SYN2: variants seen among roughly 807,000 people sequenced by gnomAD.
SYN2 encodes the protein synapsin-2.
SYN2 carries 19 observed loss-of-function variants against 50.9 expected under a neutral mutation model. That is an observed-to-expected ratio of 0.37 (90% CI 0.26 to 0.55). The LOEUF is 0.55. SYN2 is among the 20% of genes least tolerant of loss of function. The pLI is 0.81. For synonymous variants in SYN2, 255 were observed against 224.9 expected (o/e 1.13, Z -1.20); for missense variants, 587 against 576.4 (o/e 1.02, Z -0.19).
At chr3:12,049,542 T>TAAAAAAA (rs1553610535) in intron 1 of SYN2, among the ~76,000 whole-genome samples, 1 of 150,202 alleles carries the variant, frequency 6.7e-6, no homozygotes, top group Non-Finnish European at 1.5e-5. Flanking sequence ...TAATAAAAAA[T>TAAAAAAA]AAAAAAACTG....
chr3:12,006,125 C>T (rs1693797562), intron 1 of SYN2, among the ~76,000 whole-genome samples: 1 of 152,038 alleles, frequency 6.6e-6, no homozygotes. Flanking sequence ...ACTGCTTTCT[C>T]TCTCTAGCAT....
At chr3:12,180,775 A>G (rs1698203390) in intron 10 of SYN2, among the ~76,000 whole-genome samples, 1 of 152,150 alleles carries the variant, frequency 6.6e-6, no homozygotes, top group Non-Finnish European at 1.5e-5. Flanking sequence ...AAGCCTGGAA[A>G]AGGGCACTTC....
chr3:12,107,969 G>C (rs1225336714), intron 1 of SYN2, among the ~76,000 whole-genome samples: 1 of 152,156 alleles, frequency 6.6e-6, no homozygotes, highest in Non-Finnish European at 1.5e-5. Flanking sequence ...CCAGCACTTT[G>C]AAAGGTTGAG....
chr3:12,058,174 T>G (rs1285452183), intron 1 of SYN2, among the ~76,000 whole-genome samples: 2 of 152,230 alleles, frequency 1.3e-5, no homozygotes, highest in Non-Finnish European at 2.9e-5. Flanking sequence ...GTAGACCATT[T>G]GCATGTTTTT....
rs187803866 is a variant in SYN2, at chr3:12,099,905, C to T, written c.378-40746C>T. Among the ~76,000 whole-genome samples the T allele has an allele frequency of 6.5e-3, 951 of 146,138 alleles. 5 individuals are homozygous for T. The highest frequency in any genetic ancestry group is 0.023 in the African/African-American group (905 of 38,890). The stretch of plus-strand genomic sequence containing the variant: ...GCGTGAACCCGGGAGGCGGAGCTTG[C>T]AGTGAGCCGAGATCGCACCACTGCA... On this transcript the variant is annotated intron_variant, in intron 1 of 12. Transcript: ENST00000621198.
At chr3:12,160,042 C>CAAAAAAAAAAAAAAAAA (rs3079818) in intron 5 of SYN2, among the ~76,000 whole-genome samples, 2 of 67,612 alleles carry the variant, frequency 3.0e-5, no homozygotes, top group Non-Finnish European at 5.2e-5. Flanking sequence ...GACTCCGTCT[C>CAAAAAAAAAAAAAAAAA]AAAAAAAAAA....
Position 12,162,020 on chromosome 3 carries a change from G to A in SYN2, c.846G>A (p.Val282=), listed in dbSNP as rs770521282. 95 of 1,613,876 alleles carry A rather than the reference G, an allele frequency of 5.9e-5. No individual in the cohort carries two copies. The highest frequency in any genetic ancestry group is 7.6e-5 in the Non-Finnish European group (90 of 1,179,904). ...HAHSGMGKVK[V]ENHYDFQDIA... ...CCCTGCTCTAACATTAGGTCAAAGT[G>A]GAAAACCACTACGACTTCCAGGACA... The change falls in exon 7 of 13, where the codon GTG becomes GTA. Residue 282 remains valine (V), a synonymous_variant. Coordinates refer to ENST00000621198, the MANE Select transcript of SYN2 (RefSeq NM_133625.6).
intron 1 of SYN2, among the ~76,000 whole-genome samples, chr3:12,011,389 T>G (rs1349411671): frequency 1.3e-5 from 2 of 152,198 alleles, no homozygotes; most frequent in African/African-American, 4.8e-5. Flanking sequence ...ACTGCTTCAA[T>G]ACAGCAGGAA....
intron 1 of SYN2, among the ~76,000 whole-genome samples, chr3:12,089,276 A>G (rs1695775939): frequency 6.6e-6 from 1 of 152,206 alleles, no homozygotes; most frequent in African/African-American, 2.4e-5. Flanking sequence ...CACATCTTAC[A>G]TGGCTGCAGG....
At chr3:12,152,164 A>C (rs1697315245) in intron 5 of SYN2, among the ~76,000 whole-genome samples, 1 of 152,120 alleles carries the variant, frequency 6.6e-6, no homozygotes, top group South Asian at 2.1e-4. Context: ...CATTTACACC[A>C]TTTCTGCAAA....
intron 3 of SYN2, 135 bp from the exon 4 acceptor site, chr3:12,145,544 A>G (rs1286591433): frequency 6.9e-6 from 7 of 1,020,268 alleles, no homozygotes; most frequent in Non-Finnish European, 8.4e-6. Context: ...CTAAAATAAC[A>G]ACAGTAAAAT....
At chr3:12,029,857 A>C (rs1358730555) in intron 1 of SYN2, among the ~76,000 whole-genome samples, 2 of 102,592 alleles carry the variant, frequency 1.9e-5, no homozygotes, top group African/African-American at 5.2e-5. Context: ...TTCCTAATTG[A>C]ATACCCTTTA....
At chr3:12,118,202 T>C (rs536470928) in intron 1 of SYN2, among the ~76,000 whole-genome samples, 22 of 152,194 alleles carry the variant, frequency 1.4e-4, no homozygotes, top group Non-Finnish European at 2.5e-4. Flanking sequence ...TGATCCTGCC[T>C]AACTTTCAGG....
rs1368730194 is a variant in SYN2 at position 12,068,048 on chromosome 3, G to T, written c.377+63120G>T. ...CACTACAGCCTGGGTGACAGAGTGA[G>T]ACCTTGTCTCGAATGAATGAATGAA... On this transcript the variant is annotated intron_variant, in intron 1 of 12. Transcript: ENST00000621198. Among the ~76,000 whole-genome samples, 4 of 152,314 alleles carry T rather than the reference G, an allele frequency of 2.6e-5. No homozygotes were observed. In the East Asian group the frequency reaches 7.7e-4, roughly 29 times the overall value.
chr3:12,144,404 C>T (rs1033446741), intron 3 of SYN2, among the ~76,000 whole-genome samples: 1 of 152,142 alleles, frequency 6.6e-6, no homozygotes, highest in Admixed American at 6.5e-5. Flanking sequence ...AGGGCATTGC[C>T]TATTTTAAGG....
chr3:12,187,708 T>A, intron 12 of SYN2, 96 bp downstream of exon 12: 1 of 1,432,466 alleles, frequency 7.0e-7, no homozygotes, highest in Non-Finnish European at 9.2e-7. Context: ...CAATCAGGTC[T>A]CCTCCTACAG....
chr3:12,083,900 A>G (rs1695633844), intron 1 of SYN2, among the ~76,000 whole-genome samples: 1 of 152,212 alleles, frequency 6.6e-6, no homozygotes, highest in Admixed American at 6.5e-5. Context: ...AGAAATGACC[A>G]AAGTTAGGAA....
intron 1 of SYN2, among the ~76,000 whole-genome samples, chr3:12,047,928 A>G (rs527333027): frequency 1.3e-5 from 2 of 152,218 alleles, no homozygotes; most frequent in Non-Finnish European, 2.9e-5. Context: ...ATAAATCAGC[A>G]GTTAACTCTG....
intron 5 of SYN2, chr3:12,156,729 A>G (rs1697467789): frequency 1.0e-6 from 1 of 990,112 alleles, no homozygotes; most frequent in Non-Finnish European, 1.6e-6. Flanking sequence ...GGCTCAGCCT[A>G]CTGCCCAAGG....
Sources: gnomAD v4.1 joint callset for allele counts (sites outside exome capture counted in the v4.1 genomes callset) on GRCh38, gnomAD v4.1.1 for gene constraint, MANE v1.5 for transcripts, NCBI Gene and HGNC (gene_info 2026-07-23, HGNC 2026-07-21) for gene names.